The following SLC4A4 variants were observed in gnomAD, a reference collection of about 807,000 sequenced individuals.
The protein encoded by SLC4A4 is electrogenic sodium bicarbonate cotransporter 1.
A neutral mutation model predicts 111.5 loss-of-function variants in SLC4A4; 27 were observed. The ratio of observed to expected loss-of-function variants is 0.24; its 90% CI spans 0.18 to 0.33. SLC4A4 has a LOEUF of 0.33. SLC4A4 is among the 10% of genes least tolerant of loss of function. The pLI is 1.00. For missense variants in SLC4A4, 909 were observed against 1,315.5 expected, an observed-to-expected ratio of 0.69 and a Z score of 4.78; for synonymous variants, 443 against 463.4, an observed-to-expected ratio of 0.96 and a Z score of 0.57.
chr4:71,439,210 C>T (rs891061295), intron 7 of SLC4A4, among the ~76,000 whole-genome samples: 6 of 151,428 alleles, frequency 4.0e-5, no homozygotes, highest in Non-Finnish European at 7.4e-5. Flanking sequence ...GGGTGGATCC[C>T]GAGGTCAGGA....
At chr4:71,178,625 A>G (rs1194008429) in intron 2 of SLC4A4, among the ~76,000 whole-genome samples, 3 of 152,158 alleles carry the variant, frequency 2.0e-5, no homozygotes, top group Admixed American at 2.0e-4. Flanking sequence ...TACATTCCTC[A>G]ACCCATACAC....
intron 3 of SLC4A4, among the ~76,000 whole-genome samples, chr4:71,274,161 A>G (rs148190548): frequency 2.7e-4 from 41 of 152,328 alleles, no homozygotes; most frequent in African/African-American, 4.3e-4. Flanking sequence ...GAGAAAATAA[A>G]ATGTTATTAA....
chr4:71,187,888 C>T (rs1745556190), intron 1 of SLC4A4, among the ~76,000 whole-genome samples: 1 of 152,234 alleles, frequency 6.6e-6, no homozygotes, highest in Admixed American at 6.5e-5. Flanking sequence ...TCACTGCCAG[C>T]TCCAGGACGG....
At position 71,452,497 on chromosome 4, in the gene SLC4A4, C is replaced by T. The variant is rs189409848; in HGVS notation, c.1323-998C>T. ...GAAAACTGAAGCAGGGCACTGAGTG[C>T]GGCTAAGGTCCAGTGGTTGTGCAGA... On this transcript the variant is annotated intron_variant, in intron 11 of 25. Transcript: ENST00000264485. Among the ~76,000 whole-genome samples, 14 of 152,236 alleles carry T rather than the reference C, an allele frequency of 9.2e-5. No homozygotes were observed. The East Asian group carries it at 2.7e-3, about 29-fold the overall frequency.
chr4:71,551,780 A>G (rs1306786065), intron 20 of SLC4A4, among the ~76,000 whole-genome samples: 1 of 151,926 alleles, frequency 6.6e-6, no homozygotes. Flanking sequence ...TAAATACAGC[A>G]TTTTCACAAA....
At position 71,316,999 on chromosome 4, in the gene SLC4A4, C is replaced by T. The variant is rs142624759; in HGVS notation, c.254-22371C>T. 2.0e-3 allele frequency among the ~76,000 whole-genome samples: 297 copies of T among 151,908 alleles called. 2 individuals are homozygous for T. The highest frequency in any genetic ancestry group is 6.3e-3 in the African/African-American group (259 of 41,406). Reference sequence around the variant, plus strand: ...AGCCACTCAAGTAACAGGCTACAGGCGTGCACCAGTATGTCAGGCTCACAT... The same window carrying T: ...AGCCACTCAAGTAACAGGCTACAGGTGTGCACCAGTATGTCAGGCTCACAT... On this transcript the variant is annotated intron_variant, in intron 3 of 25. Coordinates refer to ENST00000264485, the MANE Select transcript of SLC4A4 (RefSeq NM_001098484.3).
chr4:71,565,612 C>T (rs570607296), intron 24 of SLC4A4, among the ~76,000 whole-genome samples: 1 of 151,892 alleles, frequency 6.6e-6, no homozygotes, highest in Non-Finnish European at 1.5e-5. Flanking sequence ...TTGAACTAAG[C>T]TCATGCACTG....
At chr4:71,489,784 G>T (rs1417539030) in intron 15 of SLC4A4, among the ~76,000 whole-genome samples, 2 of 151,774 alleles carry the variant, frequency 1.3e-5, no homozygotes, top group Middle Eastern at 3.4e-3. Context: ...TGTGAGAGAA[G>T]GTACAGGAAA....
chr4:71,180,395 A>G (rs868657853), intron 2 of SLC4A4, among the ~76,000 whole-genome samples: 130 of 152,226 alleles, frequency 8.5e-4, no homozygotes, highest in African/African-American at 3.0e-3. Context: ...AAAAGAAACT[A>G]CCATCAGAGT....
At position 71,165,470 on chromosome 4, in the gene SLC4A4, A is replaced by G. The variant is rs143689236; in HGVS notation, c.-1-71106A>G. ...ACAGAGGAACAGAAAACCAAACACCACATGTTCTCACTCATAAGTGGGAGT... is the reference window on the plus strand; with the variant it reads ...ACAGAGGAACAGAAAACCAAACACCGCATGTTCTCACTCATAAGTGGGAGT... On this transcript the variant is annotated intron_variant, in intron 2 of 26. Transcript: ENST00000649996. Among the ~76,000 whole-genome samples the G allele has an allele frequency of 9.7e-3, 1,476 of 152,184 alleles. 29 individuals are homozygous for G. The highest frequency in any genetic ancestry group is 0.034 in the African/African-American group (1,399 of 41,520).
At position 71,497,604 on chromosome 4, in the gene SLC4A4, C is replaced by T; in HGVS notation, c.2078C>T (p.Thr693Ile). 6.2e-7 allele frequency: 1 copy of T among 1,613,582 alleles called. No homozygotes were observed. Reference protein sequence around the residue: ...GNNCNFVPDITLMSFILFLGT... With the variant: ...GNNCNFVPDIILMSFILFLGT... ...AACTGTAATTTTGTTCCTGATATCA[C>T]ACTCATGTCTTTTATCCTCTTCTTG... The change falls in exon 16 of 26, where the codon ACA (threonine) becomes ATA (isoleucine). Residue 693 changes from threonine to isoleucine, a missense_variant. Coordinates refer to ENST00000264485, the MANE Select transcript of SLC4A4 (RefSeq NM_001098484.3).
At chr4:71,466,966 G>A (rs12642859) in intron 13 of SLC4A4, among the ~76,000 whole-genome samples, 5,247 of 87,376 alleles carry the variant, frequency 0.06, 106 homozygotes, top group South Asian at 0.087. Flanking sequence ...AGAGAGAGAG[G>A]GAGAGAGAGA....
At chr4:71,179,420 T>C (rs566068046) in intron 2 of SLC4A4, among the ~76,000 whole-genome samples, 1 of 152,234 alleles carries the variant, frequency 6.6e-6, no homozygotes, top group Non-Finnish European at 1.5e-5. Flanking sequence ...AAATTGTCCC[T>C]GTTTGCAGAT....
chr4:71,110,299 C>T (rs1017252569), intron 2 of SLC4A4, among the ~76,000 whole-genome samples: 1 of 152,078 alleles, frequency 6.6e-6, no homozygotes, highest in Non-Finnish European at 1.5e-5. Flanking sequence ...ACTGCAGCCT[C>T]GACATTCCAG....
At chr4:71,231,880 A>G (rs1719451822) in intron 1 of SLC4A4, among the ~76,000 whole-genome samples, 1 of 152,214 alleles carries the variant, frequency 6.6e-6, no homozygotes, top group African/African-American at 2.4e-5. Flanking sequence ...ATTTTAAAAG[A>G]TATCTCTGTC....
intron 21 of SLC4A4, 106 bp from the exon 22 acceptor site, chr4:71,557,606 A>G: frequency 1.4e-5 from 16 of 1,136,166 alleles, no homozygotes; most frequent in Non-Finnish European, 2.0e-5. Context: ...TCTGAAAAGG[A>G]CACTGCTTGC....
intron 2 of SLC4A4, among the ~76,000 whole-genome samples, chr4:71,116,461 G>A (rs984754633): frequency 6.6e-6 from 1 of 152,142 alleles, no homozygotes; most frequent in East Asian, 1.9e-4. Flanking sequence ...GCCACACAAT[G>A]CTTAAATTTT....
chr4:71,116,344 TTTA>T (rs1468571962), intron 2 of SLC4A4, among the ~76,000 whole-genome samples: 1 of 152,226 alleles, frequency 6.6e-6, no homozygotes, highest in African/African-American at 2.4e-5. Context: ...TTTGTTTGCT[TTTA>T]TTATTATTGT....
At chr4:71,452,354 C>A (rs1013679713) in intron 11 of SLC4A4, among the ~76,000 whole-genome samples, 1 of 151,832 alleles carries the variant, frequency 6.6e-6, no homozygotes, top group African/African-American at 2.4e-5. Context: ...GACATGAGTT[C>A]TGGGCTTTAA....
Sources: gnomAD v4.1 joint callset for allele counts (sites outside exome capture counted in the v4.1 genomes callset) on GRCh38, gnomAD v4.1.1 for gene constraint, MANE v1.5 for transcripts, NCBI Gene and HGNC (gene_info 2026-07-23, HGNC 2026-07-21) for gene names.